Variants in THRB observed in about 807,000 individuals in gnomAD.
THRB encodes nuclear receptor subfamily 1 group A member 2.
THRB carries 12 observed loss-of-function variants against 47.8 expected under a neutral mutation model. The observed-to-expected ratio is 0.25, with a 90% CI of 0.16 to 0.41. The LOEUF (loss-of-function observed/expected upper bound fraction) is 0.41, where lower values mean the gene tolerates loss of function less well. THRB is among the 10% of genes least tolerant of loss of function. The probability of loss-of-function intolerance (pLI) is 1.00; values close to 1 mark genes in which losing one functional copy is unlikely to be tolerated. For missense variants in THRB, 348 were observed against 589.2 expected (o/e 0.59, Z 4.24); for synonymous variants, 218 against 212.2 (o/e 1.03, Z -0.24).
intron 1 of THRB, among the ~76,000 whole-genome samples, chr3:24,472,954 A>G (rs980935929): frequency 2.0e-5 from 3 of 152,068 alleles, no homozygotes; most frequent in African/African-American, 7.2e-5. Context: ...TTATCTTCCT[A>G]TCTTAGGAGA....
At chr3:24,347,390 A>G (rs2063088283) in intron 1 of THRB, among the ~76,000 whole-genome samples, 1 of 151,990 alleles carries the variant, frequency 6.6e-6, no homozygotes, top group African/African-American at 2.4e-5. Flanking sequence ...TGGAAAGGAG[A>G]AAATAACAAA....
At chr3:24,216,074 T>G (rs376277289) in intron 4 of THRB, among the ~76,000 whole-genome samples, 11 of 152,226 alleles carry the variant, frequency 7.2e-5, no homozygotes, top group Admixed American at 3.3e-4. Context: ...CAATTCCAAA[T>G]AGCTTGGCTA....
chr3:24,186,219 A>G (rs1472369703), intron 5 of THRB, among the ~76,000 whole-genome samples: 1 of 152,116 alleles, frequency 6.6e-6, no homozygotes, highest in Non-Finnish European at 1.5e-5. Flanking sequence ...CTAGAGATTC[A>G]CTAGTCTGGG....
chr3:24,136,200 A>C (rs796748303), intron 8 of THRB, among the ~76,000 whole-genome samples: 21 of 152,298 alleles, frequency 1.4e-4, no homozygotes, highest in African/African-American at 4.8e-4. Context: ...ACAAGCTCAC[A>C]AGTTTTCTGA....
chr3:24,412,215 T>C (rs1487989636), intron 1 of THRB, among the ~76,000 whole-genome samples: 1 of 151,892 alleles, frequency 6.6e-6, no homozygotes, highest in African/African-American at 2.4e-5. Flanking sequence ...AAAAGTCTTA[T>C]CTGATTTAGA....
chr3:24,298,723 C>A (rs150826332), intron 2 of THRB, among the ~76,000 whole-genome samples: 2 of 152,230 alleles, frequency 1.3e-5, no homozygotes, highest in African/African-American at 4.8e-5. Flanking sequence ...CAAGATTTGG[C>A]CTCATGTTCC....
At chr3:24,334,546 G>A (rs2062119276) in intron 2 of THRB, among the ~76,000 whole-genome samples, 1 of 152,138 alleles carries the variant, frequency 6.6e-6, no homozygotes, top group Non-Finnish European at 1.5e-5. Context: ...CCGCAGGATG[G>A]GGCCTCACTA....
In THRB at chr3:24,481,202, T is replaced by C. The variant is rs79528200; in HGVS notation, c.-261+13450A>G. ...ATTGAGAAGATCGTCTATCTCAGTTTTTATATGTGTGGATGCGTTTCTTTC... is the reference window on the plus strand; with the variant it reads ...ATTGAGAAGATCGTCTATCTCAGTTCTTATATGTGTGGATGCGTTTCTTTC... On this transcript the variant is annotated intron_variant, in intron 1 of 10. Coordinates refer to ENST00000646209, the MANE Select transcript of THRB (RefSeq NM_001354712.2). Among the ~76,000 whole-genome samples the C allele has an allele frequency of 3.9e-3, 585 of 151,672 alleles. 5 individuals carry two copies. The highest frequency in any genetic ancestry group is 0.014 in the African/African-American group (566 of 41,272).
At chr3:24,210,162 A>G (rs2045873284) in intron 4 of THRB, among the ~76,000 whole-genome samples, 1 of 152,180 alleles carries the variant, frequency 6.6e-6, no homozygotes, top group Admixed American at 6.5e-5. Flanking sequence ...ACCAAGGAGA[A>G]TTGGCAATTT....
At chr3:24,207,598 C>T (rs1307442724) in intron 4 of THRB, among the ~76,000 whole-genome samples, 1 of 152,182 alleles carries the variant, frequency 6.6e-6, no homozygotes, top group Non-Finnish European at 1.5e-5. Context: ...CCCAGCTGCA[C>T]AGCCCCATTC....
intron 1 of THRB, among the ~76,000 whole-genome samples, chr3:24,422,325 T>C (rs1191694440): frequency 2.0e-5 from 3 of 151,914 alleles, no homozygotes; most frequent in Non-Finnish European, 4.4e-5. Flanking sequence ...ATTGTGGTCA[T>C]CTGGACTTGG....
intron 1 of THRB, among the ~76,000 whole-genome samples, chr3:24,412,138 T>C (rs1417274828): frequency 1.3e-5 from 2 of 151,878 alleles, no homozygotes; most frequent in African/African-American, 4.8e-5. Flanking sequence ...ATATTAATTA[T>C]TGGCAAGATA....
intron 10 of THRB, among the ~76,000 whole-genome samples, chr3:24,125,737 A>G (rs1427870171): frequency 1.3e-5 from 2 of 152,230 alleles, no homozygotes; most frequent in Non-Finnish European, 2.9e-5. Flanking sequence ...GGTTTACTTC[A>G]TGAAGCTGGC....
intron 1 of THRB, among the ~76,000 whole-genome samples, chr3:24,369,120 G>A (rs1412895223): frequency 6.6e-6 from 1 of 152,114 alleles, no homozygotes; most frequent in Non-Finnish European, 1.5e-5. Flanking sequence ...TCCCTCCTCA[G>A]CCTCCTGAGA....
chr3:24,190,523 T>C (rs963050553), intron 4 of THRB, among the ~76,000 whole-genome samples, 189 bp from the exon 5 acceptor site: 2 of 152,150 alleles, frequency 1.3e-5, no homozygotes, highest in African/African-American at 4.8e-5. Context: ...TTGGGTTGCC[T>C]GTCGGAGTAA....
At chr3:24,195,972 A>C (rs1301637283) in intron 4 of THRB, among the ~76,000 whole-genome samples, 3 of 152,242 alleles carry the variant, frequency 2.0e-5, no homozygotes, top group African/African-American at 7.2e-5. Context: ...AAATGTAAGC[A>C]TGACAGAAAT....
rs139568686 is a variant in THRB, at chr3:24,118,088, A to G, written c.*4796T>C. 1,550 of 152,616 alleles carry G rather than the reference A, an allele frequency of 0.01. 15 individuals are homozygous for G. Among genetic ancestry groups the G allele is most frequent in the Middle Eastern group, 0.044 (13 of 294 alleles). The allele number at this position is 152,616 out of a possible 1,614,324, so 9.5% of individuals were successfully genotyped here. ...AATTTGCTTATTCTAGTAGATGTTT[A>G]TTTATGAAATAAATGTCCTTACATC... is the stretch of plus-strand genomic sequence containing the variant. On this transcript the variant is annotated 3_prime_UTR_variant, in exon 11 of 11. Coordinates refer to ENST00000646209, the MANE Select transcript of THRB (RefSeq NM_001354712.2).
chr3:24,376,848 C>A (rs2065331727), intron 1 of THRB, among the ~76,000 whole-genome samples: 1 of 152,102 alleles, frequency 6.6e-6, no homozygotes, highest in Non-Finnish European at 1.5e-5. Flanking sequence ...CTACAGTGTC[C>A]ACCATAAAAT....
chr3:24,298,271 C>T, intron 2 of THRB, among the ~76,000 whole-genome samples: 1 of 152,114 alleles, frequency 6.6e-6, no homozygotes, highest in East Asian at 1.9e-4. Flanking sequence ...TCACTGGCAC[C>T]CAGATCAAAA....
Sources: allele counts gnomAD v4.1 joint callset (sites outside exome capture counted in the v4.1 genomes callset), GRCh38; gene constraint gnomAD v4.1.1; transcripts MANE v1.5; gene names NCBI Gene and HGNC (gene_info 2026-07-23, HGNC 2026-07-21).